The following CACUL1 variants were observed in gnomAD, a reference collection of about 807,000 sequenced individuals.
CACUL1 encodes CDK2-associated and cullin domain-containing protein 1.
CACUL1 carries 13 observed loss-of-function variants against 45.2 expected under a neutral mutation model. The ratio of observed to expected loss-of-function variants is 0.29; its 90% CI spans 0.19 to 0.46. CACUL1 has a LOEUF of 0.46. CACUL1 is among the 20% of genes least tolerant of loss of function. CACUL1 has a pLI of 1.00. For missense variants in CACUL1, 421 were observed against 471.4 expected, an observed-to-expected ratio of 0.89 and a Z score of 0.99; for synonymous variants, 197 against 174.2, an observed-to-expected ratio of 1.13 and a Z score of -1.03.
intron 3 of CACUL1, among the ~76,000 whole-genome samples, chr10:118,726,882 C>T (rs1275016301): frequency 2.6e-5 from 4 of 152,030 alleles, no homozygotes; most frequent in African/African-American, 9.7e-5. Flanking sequence ...TGCTGAGTGA[C>T]AGAGCTGGAA....
intron 6 of CACUL1, chr10:118,693,503 T>G (rs752593405): frequency 9.9e-5 from 27 of 272,220 alleles, no homozygotes; most frequent in Non-Finnish European, 1.9e-4. Context: ...TTACAAGAGC[T>G]TGAACCTGGA....
chr10:118,751,043 A>G (rs370753497), intron 1 of CACUL1, among the ~76,000 whole-genome samples: 18 of 152,150 alleles, frequency 1.2e-4, no homozygotes, highest in East Asian at 9.6e-4. Context: ...TAATAAATTC[A>G]TCTCTTCTTA....
rs1845128127 is a variant in CACUL1, at chr10:118,679,300, T to C, written c.*6828A>G. The C allele has an allele frequency of 2.6e-5, 4 of 152,186 alleles. No individual in the cohort carries two copies. The highest frequency in any genetic ancestry group is 2.6e-4 in the Admixed American group (4 of 15,278). The allele number at this position is 152,186 out of a possible 1,614,324, so 9.4% of individuals were successfully genotyped here. On this transcript the variant is annotated 3_prime_UTR_variant, in exon 9 of 9. Transcript: ENST00000369151. ...CCACTGTAACCTCCACTTCCTGGGT[T>C]CAAGTTCTTGTGCCTGAGCCACCCA...
At chr10:118,740,763 A>G (rs956282926) in intron 1 of CACUL1, among the ~76,000 whole-genome samples, 1 of 152,038 alleles carries the variant, frequency 6.6e-6, no homozygotes, top group African/African-American at 2.4e-5. Flanking sequence ...CGTCTCTACT[A>G]AAAATACAAA....
At chr10:118,686,214 T>C (rs1589600018) in intron 8 of CACUL1, 46 bp from the exon 9 acceptor site, 1 of 1,462,702 alleles carries the variant, frequency 6.8e-7, no homozygotes, top group South Asian at 1.1e-5. Context: ...GCAGACAGCA[T>C]TTGATAACAG....
intron 7 of CACUL1, among the ~76,000 whole-genome samples, chr10:118,689,327 G>T (rs528648725): frequency 5.3e-5 from 8 of 152,166 alleles, no homozygotes; most frequent in African/African-American, 1.9e-4. Flanking sequence ...CGTCCACTTT[G>T]GCGGACTTAC....
chr10:118,712,064 G>T (rs1325298526), intron 3 of CACUL1, among the ~76,000 whole-genome samples: 8 of 152,338 alleles, frequency 5.3e-5, no homozygotes, highest in African/African-American at 1.7e-4. Context: ...GAACAAGCAA[G>T]CTTTGCTTTT....
intron 3 of CACUL1, among the ~76,000 whole-genome samples, chr10:118,722,082 T>C (rs1462920877): frequency 3.8e-5 from 2 of 52,172 alleles, no homozygotes; most frequent in African/African-American, 1.2e-4. Flanking sequence ...GAAACAAACT[T>C]TTTTTTTTTT....
At chr10:118,695,266 C>T (rs937129144) in intron 5 of CACUL1, 36 bp from the exon 6 acceptor site, 12 of 1,124,670 alleles carry the variant, frequency 1.1e-5, no homozygotes, top group African/African-American at 1.5e-5. Context: ...GAATGTAACA[C>T]ATATTGACTG....
intron 6 of CACUL1, 186 bp from the exon 7 acceptor site, chr10:118,691,589 C>T (rs375131394): frequency 2.1e-5 from 11 of 521,570 alleles, no homozygotes; most frequent in Admixed American, 6.7e-5. Flanking sequence ...TTTTACAGGC[C>T]GGGTGCGGCG....
At chr10:118,689,024 G>C (rs1337592835) in intron 7 of CACUL1, among the ~76,000 whole-genome samples, 1 of 152,180 alleles carries the variant, frequency 6.6e-6, no homozygotes, top group Non-Finnish European at 1.5e-5. Flanking sequence ...CCATAACAAT[G>C]AACAGGAATC....
At chr10:118,717,885 T>C (rs1011883134) in intron 3 of CACUL1, among the ~76,000 whole-genome samples, 1 of 152,132 alleles carries the variant, frequency 6.6e-6, no homozygotes, top group African/African-American at 2.4e-5. Flanking sequence ...GTGCCGGGCT[T>C]AGTAAGACCT....
rs1308950153 is a variant in CACUL1, at chr10:118,701,317, T to C, written c.785A>G (p.Tyr262Cys). The C allele has an allele frequency of 6.4e-7, 1 of 1,556,346 alleles. No individual in the cohort carries two copies. The highest frequency in any genetic ancestry group is 1.2e-5 in the South Asian group (1 of 84,350). The change falls in exon 5 of 9, where the codon TAC (tyrosine) becomes TGC (cysteine). Residue 262 changes from tyrosine to cysteine, a missense_variant. Physicochemically the swap from Tyr to Cys is radical, Grantham distance 194 (BLOSUM62 -2). This residue lies in a region of CACUL1 where 208 missense variants were observed against 298.4 expected (regional missense o/e 0.70). Transcript: ENST00000369151. Reference protein sequence around the residue: ...FTEHVAEKHIYSLMPLLLEAQ... With the variant: ...FTEHVAEKHICSLMPLLLEAQ... ...GCTGAATTACTTACGCATTAGGCTG[T>C]AAATGTGCTTTTCTGCAACATGTTC... is the stretch of plus-strand genomic sequence containing the variant.
At chr10:118,699,718 C>T (rs1413407429) in intron 5 of CACUL1, among the ~76,000 whole-genome samples, 1 of 151,832 alleles carries the variant, frequency 6.6e-6, no homozygotes, top group Non-Finnish European at 1.5e-5. Context: ...GATCTCGGCT[C>T]ACTGCAAGCT....
intron 3 of CACUL1, among the ~76,000 whole-genome samples, chr10:118,726,936 A>G (rs1845657230): frequency 6.6e-6 from 1 of 152,198 alleles, no homozygotes; most frequent in African/African-American, 2.4e-5. Context: ...CCCCGCTGCT[A>G]TTTAATAATG....
rs189717980 is a variant in CACUL1, at chr10:118,681,638, C to T, written c.*4490G>A. 3 of 152,266 alleles carry T rather than the reference C, an allele frequency of 2.0e-5. No individual in the cohort carries two copies. In the East Asian group the frequency reaches 5.8e-4, roughly 29 times the overall value. 9.4% of individuals were successfully genotyped at this position (152,266 alleles called of 1,614,324 possible). A position where few individuals can be genotyped will look rare whatever the true frequency, so the allele number is the denominator to read the frequency against. The stretch of plus-strand genomic sequence containing the variant: ...GCAGTCCAGAGATGAAGATAATTTC[C>T]AACCAGCAGGGATGCAATATATAGT... On this transcript the variant is annotated 3_prime_UTR_variant, in exon 9 of 9. Coordinates refer to ENST00000369151, the MANE Select transcript of CACUL1 (RefSeq NM_153810.5).
intron 6 of CACUL1, among the ~76,000 whole-genome samples, chr10:118,692,044 G>A (rs2119553011): frequency 6.6e-6 from 1 of 152,108 alleles, no homozygotes; most frequent in South Asian, 2.1e-4. Flanking sequence ...TTCTGAGTGG[G>A]AGGGGACTTG....
intron 5 of CACUL1, among the ~76,000 whole-genome samples, chr10:118,700,050 A>G (rs913532645): frequency 2.6e-5 from 4 of 151,452 alleles, no homozygotes; most frequent in Admixed American, 6.6e-5. Flanking sequence ...CTATTCTTTG[A>G]AAAAAAAACC....
At chr10:118,742,690 G>A (rs1845803430) in intron 1 of CACUL1, among the ~76,000 whole-genome samples, 1 of 151,968 alleles carries the variant, frequency 6.6e-6, no homozygotes, top group Non-Finnish European at 1.5e-5. Flanking sequence ...CTTGATTAAA[G>A]ACCCTGCCAT....
Sources: gnomAD v4.1 joint callset for allele counts (sites outside exome capture counted in the v4.1 genomes callset) on GRCh38, gnomAD v4.1.1 for gene constraint, gnomAD v4.1.1 regional missense constraint, MANE v1.5 for transcripts, NCBI Gene and HGNC (gene_info 2026-07-23, HGNC 2026-07-21) for gene names.